Variants in SNX29 observed in about 807,000 individuals in gnomAD.
The protein encoded by SNX29 is sorting nexin 29, also known as sorting nexin-29.
A neutral mutation model predicts 102.1 loss-of-function variants in SNX29; 78 were observed. That is an observed-to-expected ratio of 0.76 (90% CI 0.64 to 0.92). SNX29 has a LOEUF of 0.92. SNX29 is among the 40% of genes least tolerant of loss of function. The probability of loss-of-function intolerance (pLI) is 0.00; values close to 1 mark genes in which losing one functional copy is unlikely to be tolerated. For missense variants in SNX29, 1,280 were observed against 1,061.7 expected (o/e 1.21, Z -2.86); for synonymous variants, 580 against 414.5 (o/e 1.40, Z -4.85).
At chr16:12,445,202 C>T (rs1416246463) in intron 18 of SNX29, among the ~76,000 whole-genome samples, 1 of 151,898 alleles carries the variant, frequency 6.6e-6, no homozygotes, top group African/African-American at 2.4e-5. Flanking sequence ...CAGCCATGTC[C>T]ATTCATTAAT....
chr16:12,357,635 C>A (rs2082175643), intron 16 of SNX29, among the ~76,000 whole-genome samples: 1 of 152,098 alleles, frequency 6.6e-6, no homozygotes, highest in Non-Finnish European at 1.5e-5. Flanking sequence ...CGCCACCACC[C>A]CTCTCCAGAA....
At chr16:12,356,716 A>G (rs553869623) in intron 16 of SNX29, among the ~76,000 whole-genome samples, 3 of 152,366 alleles carry the variant, frequency 2.0e-5, no homozygotes, top group South Asian at 2.1e-4. Context: ...TAATCCACGT[A>G]CATCAGGTAC....
intron 15 of SNX29, among the ~76,000 whole-genome samples, chr16:12,334,409 C>A (rs899791517): frequency 2.0e-5 from 3 of 152,112 alleles, no homozygotes; most frequent in South Asian, 4.1e-4. Context: ...AAATCATCCC[C>A]GGGTGCATTC....
rs142805311 is a variant in SNX29, at chr16:11,995,479, G to A, written c.8-3818G>A. On this transcript the variant is annotated intron_variant, in intron 1 of 20. Transcript: ENST00000566228. Reference sequence around the variant, plus strand: ...CCTGCAGAGAGATCACAGCCAGGAAGTGTGAGCCTCTGGGTTGAGACCTGC... The same window carrying A: ...CCTGCAGAGAGATCACAGCCAGGAAATGTGAGCCTCTGGGTTGAGACCTGC... Among the ~76,000 whole-genome samples the A allele has an allele frequency of 2.0e-5, 3 of 152,242 alleles. No individual in the cohort carries two copies. The East Asian group carries it at 5.8e-4, about 29-fold the overall frequency.
chr16:12,143,086 C>A (rs1597030975), intron 13 of SNX29, among the ~76,000 whole-genome samples: 1 of 151,952 alleles, frequency 6.6e-6, no homozygotes, highest in African/African-American at 2.4e-5. Context: ...CAACCTCTGC[C>A]TCCTGGGTGC....
chr16:12,541,655 TAATGCAGCCGTGCTGACAC>T (rs1316827375), intron 20 of SNX29, among the ~76,000 whole-genome samples: 1 of 152,188 alleles, frequency 6.6e-6, no homozygotes, highest in African/African-American at 2.4e-5. Flanking sequence ...AGCCAGCTCC[TAATGCAGCCGTGCTGACAC>T]CCGTTTACCA....
At chr16:12,505,160 T>C (rs1347173505) in intron 19 of SNX29, among the ~76,000 whole-genome samples, 1 of 152,204 alleles carries the variant, frequency 6.6e-6, no homozygotes, top group Non-Finnish European at 1.5e-5. Context: ...TGTTTTTGGG[T>C]GGACAAACGT....
At chr16:12,204,866 C>T (rs1315322824) in intron 14 of SNX29, among the ~76,000 whole-genome samples, 1 of 152,146 alleles carries the variant, frequency 6.6e-6, no homozygotes, top group Non-Finnish European at 1.5e-5. Flanking sequence ...TTCCCGATTC[C>T]ACTCCTGCGT....
chr16:12,514,482 A>G (rs1274919598), intron 19 of SNX29, among the ~76,000 whole-genome samples: 1 of 152,140 alleles, frequency 6.6e-6, no homozygotes. Context: ...TCTTGGGGCC[A>G]ATTCTTGTTT....
At chr16:12,371,613 A>G (rs918505902) in intron 16 of SNX29, among the ~76,000 whole-genome samples, 1 of 152,016 alleles carries the variant, frequency 6.6e-6, no homozygotes. Context: ...CCAGATTTTT[A>G]TTTCTGTTCG....
At chr16:12,121,515 G>A (rs1459433801) in intron 11 of SNX29, among the ~76,000 whole-genome samples, 1 of 152,242 alleles carries the variant, frequency 6.6e-6, no homozygotes, top group African/African-American at 2.4e-5. Flanking sequence ...GGAGACGAAG[G>A]CAGGAATGAG....
Position 12,569,860 on chromosome 16 carries a change from TG to T in SNX29, c.*1233del, listed in dbSNP as rs1221925875. On this transcript the variant is annotated 3_prime_UTR_variant, in exon 21 of 21. Transcript: ENST00000566228. ...ACTAACTAGGAAGGATGTCGTGAAATGGACTATGCAAGAGTAAGTTTGTGTG... is the reference window on the plus strand; with the variant it reads ...ACTAACTAGGAAGGATGTCGTGAAATGACTATGCAAGAGTAAGTTTGTGTG... The T allele has an allele frequency of 1.3e-5, 3 of 231,104 alleles. No individual in the cohort carries two copies. The highest frequency in any genetic ancestry group is 6.6e-5 in the African/African-American group (3 of 45,208). The allele number at this position is 231,104 out of a possible 1,614,324, so 14.3% of individuals were successfully genotyped here.
At chr16:12,248,943 G>A (rs2078342127) in intron 14 of SNX29, among the ~76,000 whole-genome samples, 1 of 152,194 alleles carries the variant, frequency 6.6e-6, no homozygotes, top group Admixed American at 6.5e-5. Context: ...GGAGCATGCT[G>A]TAGTAATGTT....
At chr16:12,178,351 A>G (rs988881838) in intron 13 of SNX29, among the ~76,000 whole-genome samples, 2 of 152,148 alleles carry the variant, frequency 1.3e-5, no homozygotes, top group South Asian at 2.1e-4. Flanking sequence ...GTTAGCAGCC[A>G]GAAGAGGTGG....
chr16:12,068,781 G>T (rs2051157413), intron 9 of SNX29, among the ~76,000 whole-genome samples: 1 of 152,136 alleles, frequency 6.6e-6, no homozygotes. Context: ...CTGACCTCAG[G>T]TGATCCACCT....
intron 12 of SNX29, among the ~76,000 whole-genome samples, chr16:12,128,711 C>A (rs2141404485): frequency 6.6e-6 from 1 of 152,234 alleles, no homozygotes; most frequent in South Asian, 2.1e-4. Flanking sequence ...CCTTGGCCTC[C>A]CTAAGTGCTG....
At chr16:12,165,551 AACTTT>A (rs1393184362) in intron 13 of SNX29, among the ~76,000 whole-genome samples, 1 of 152,130 alleles carries the variant, frequency 6.6e-6, no homozygotes, top group Non-Finnish European at 1.5e-5. Context: ...ATTAAATATA[AACTTT>A]ACTTATTTTT....
chr16:12,289,660 C>T (rs768218068), intron 15 of SNX29, among the ~76,000 whole-genome samples: 1 of 152,202 alleles, frequency 6.6e-6, no homozygotes, highest in African/African-American at 2.4e-5. Context: ...TAGAGAAACA[C>T]TTGGAAAATG....
intron 20 of SNX29, among the ~76,000 whole-genome samples, chr16:12,536,306 G>A (rs896781023): frequency 6.6e-6 from 1 of 152,132 alleles, no homozygotes; most frequent in East Asian, 1.9e-4. Context: ...GTTCTGGGAA[G>A]ACAGGTTGAG....
Sources: allele counts gnomAD v4.1 joint callset (sites outside exome capture counted in the v4.1 genomes callset), GRCh38; gene constraint gnomAD v4.1.1; transcripts MANE v1.5; gene names NCBI Gene and HGNC (gene_info 2026-07-23, HGNC 2026-07-21).